The following LAMA2 variants were observed in gnomAD, a reference collection of about 807,000 sequenced individuals.
LAMA2 encodes the protein laminin subunit alpha-2.
Under a neutral mutation model 364.8 loss-of-function variants are expected in LAMA2, and 269 were observed. The ratio of observed to expected loss-of-function variants is 0.74; its 90% CI spans 0.67 to 0.82. The LOEUF (loss-of-function observed/expected upper bound fraction) is 0.82, where lower values mean the gene tolerates loss of function less well. Ranked by LOEUF, LAMA2 falls within the 40% of genes least tolerant of loss-of-function variation. LAMA2 has a pLI of 0.00. For missense variants in LAMA2, 3,807 were observed against 3,873.2 expected (o/e 0.98, Z 0.45); for synonymous variants, 1,379 against 1,370.6 (o/e 1.01, Z -0.14).
chr6:129,226,126 T>A (rs1420407489), intron 12 of LAMA2, among the ~76,000 whole-genome samples: 5 of 152,274 alleles, frequency 3.3e-5, no homozygotes, highest in South Asian at 2.1e-4. Flanking sequence ...GTTGGTTTAA[T>A]GTCTGTTTTA....
intron 4 of LAMA2, among the ~76,000 whole-genome samples, chr6:129,119,006 T>C (rs553053672): frequency 1.3e-5 from 2 of 152,318 alleles, no homozygotes; most frequent in East Asian, 1.9e-4. Flanking sequence ...ATAACGCAAT[T>C]ATATGAGAAT....
chr6:129,328,873 G>C (rs1312250496), intron 29 of LAMA2, among the ~76,000 whole-genome samples: 5 of 152,082 alleles, frequency 3.3e-5, no homozygotes. Flanking sequence ...TTTATGTCTT[G>C]TCCTTTACAT....
chr6:129,469,026 TA>T (rs1410565796), intron 51 of LAMA2, among the ~76,000 whole-genome samples: 1 of 151,858 alleles, frequency 6.6e-6, no homozygotes, highest in African/African-American at 2.4e-5. Context: ...TAAACATGTA[TA>T]AAAACATGAA....
chr6:129,161,351 C>A (rs1779428574), intron 8 of LAMA2, among the ~76,000 whole-genome samples: 1 of 151,956 alleles, frequency 6.6e-6, no homozygotes, highest in African/African-American at 2.4e-5. Flanking sequence ...TGTGTTTAGT[C>A]CCTAAATTTA....
At chr6:129,307,159 G>T (rs753992589) in intron 22 of LAMA2, among the ~76,000 whole-genome samples, 1 of 152,204 alleles carries the variant, frequency 6.6e-6, no homozygotes, top group Non-Finnish European at 1.5e-5. Context: ...TTTTGTTAGG[G>T]AAGGTGCAGC....
chr6:129,234,873 A>G (rs1392931687), intron 12 of LAMA2, among the ~76,000 whole-genome samples: 1 of 152,180 alleles, frequency 6.6e-6, no homozygotes, highest in African/African-American at 2.4e-5. Context: ...AAAATCTGTC[A>G]ATTACTCAGC....
intron 13 of LAMA2, among the ~76,000 whole-genome samples, chr6:129,250,931 G>A (rs1183187189): frequency 6.6e-6 from 1 of 151,704 alleles, no homozygotes; most frequent in Non-Finnish European, 1.5e-5. Flanking sequence ...GTGAATCTAT[G>A]ACAAAATGAA....
At chr6:129,420,390 C>T (rs1781017010) in intron 40 of LAMA2, among the ~76,000 whole-genome samples, 1 of 151,976 alleles carries the variant, frequency 6.6e-6, no homozygotes, top group South Asian at 2.1e-4. Context: ...AGTCACCAAC[C>T]CTTACATATA....
chr6:129,012,304 A>G (rs1784812114), intron 1 of LAMA2, among the ~76,000 whole-genome samples: 1 of 151,986 alleles, frequency 6.6e-6, no homozygotes, highest in Admixed American at 6.5e-5. Context: ...ATTAATAGTT[A>G]TTTTTCTAAT....
chr6:128,941,215 T>C (rs1459562491), intron 1 of LAMA2, among the ~76,000 whole-genome samples: 3 of 152,156 alleles, frequency 2.0e-5, no homozygotes, highest in Admixed American at 2.0e-4. Flanking sequence ...AGGTGGAGCA[T>C]TTACACTAAA....
chr6:129,047,489 A>G (rs1317773066), intron 1 of LAMA2, among the ~76,000 whole-genome samples: 1 of 152,222 alleles, frequency 6.6e-6, no homozygotes, highest in African/African-American at 2.4e-5. Flanking sequence ...GAAGAAAAAC[A>G]CAAGGCAGGA....
At chr6:129,460,896 A>T (rs1783220529) in intron 49 of LAMA2, among the ~76,000 whole-genome samples, 2 of 151,952 alleles carry the variant, frequency 1.3e-5, no homozygotes, top group Admixed American at 6.6e-5. Flanking sequence ...CAAGGGGCCG[A>T]GATAGTCCAG....
intron 4 of LAMA2, among the ~76,000 whole-genome samples, chr6:129,138,903 T>A (rs573824124): frequency 6.6e-6 from 1 of 152,080 alleles, no homozygotes; most frequent in African/African-American, 2.4e-5. Flanking sequence ...TTAGGAAGGA[T>A]TAAAGTTGGC....
chr6:129,512,101 A>AAAAT (rs1786633085), intron 62 of LAMA2, among the ~76,000 whole-genome samples: 1 of 152,144 alleles, frequency 6.6e-6, no homozygotes, highest in South Asian at 2.1e-4. Flanking sequence ...AAAATGGTGA[A>AAAAT]AAATATAGAC....
At chr6:129,073,642 C>A (rs1218818716) in intron 3 of LAMA2, among the ~76,000 whole-genome samples, 1 of 152,042 alleles carries the variant, frequency 6.6e-6, no homozygotes, top group Admixed American at 6.6e-5. Flanking sequence ...CTTTTTTCTG[C>A]TGGATTCAAT....
Position 129,402,327 on chromosome 6 carries a change from G to T in LAMA2, c.5566G>T (p.Val1856Phe). 1 of 1,612,304 alleles carries T rather than the reference G, an allele frequency of 6.2e-7. No individual in the cohort carries two copies. The highest frequency in any genetic ancestry group is 2.2e-5 in the East Asian group (1 of 44,816). ...ADEINSIIDY[V>F]EDIQTKLPPM... ...TGCCCTCTTCTCTACATATCAGTAT[G>T]TTGAAGACATCCAAACTAAATTGCC... Residue 1856 changes from valine (V) to phenylalanine (F), a missense_variant, in exon 39 of 65, where the codon GTT becomes TTT. Transcript: ENST00000421865.
intron 1 of LAMA2, among the ~76,000 whole-genome samples, chr6:128,949,419 T>G (rs1780673159): frequency 6.6e-6 from 1 of 152,042 alleles, no homozygotes; most frequent in Admixed American, 6.6e-5. Flanking sequence ...ACTGATGAAT[T>G]AACCCTATCG....
intron 9 of LAMA2, among the ~76,000 whole-genome samples, chr6:129,175,696 T>TG (rs761194864): frequency 3.3e-5 from 5 of 151,960 alleles, no homozygotes; most frequent in Non-Finnish European, 5.9e-5. Context: ...TGTCAGTGGG[T>TG]GGGGGTCTAG....
chr6:129,315,192 CAT>C (rs919108996), intron 24 of LAMA2, among the ~76,000 whole-genome samples: 2 of 152,088 alleles, frequency 1.3e-5, no homozygotes, highest in African/African-American at 4.8e-5. Context: ...GGAGTGAAAA[CAT>C]GTTCATTTTT....
Sources: gnomAD v4.1 joint callset for allele counts (sites outside exome capture counted in the v4.1 genomes callset) on GRCh38, gnomAD v4.1.1 for gene constraint, MANE v1.5 for transcripts, NCBI Gene and HGNC (gene_info 2026-07-23, HGNC 2026-07-21) for gene names.